FAM131A: variants seen among roughly 807,000 people sequenced by gnomAD.
FAM131A encodes the protein protein FAM131A.
Under a neutral mutation model 39.2 loss-of-function variants are expected in FAM131A, and 24 were observed. The observed-to-expected ratio is 0.61, with a 90% CI of 0.44 to 0.86. The LOEUF is 0.86. FAM131A is among the 40% of genes least tolerant of loss of function. FAM131A has a pLI of 0.00. For synonymous variants in FAM131A, 202 were observed against 206.8 expected, an observed-to-expected ratio of 0.98 and a Z score of 0.20; for missense variants, 373 against 481.2, an observed-to-expected ratio of 0.78 and a Z score of 2.10.
chr3:184,338,928 G>A (rs9845144), intron 2 of FAM131A: 41,806 of 184,498 alleles, frequency 0.23, 5,128 homozygotes, highest in Middle Eastern at 0.3. Context: ...GTGCTCCCCC[G>A]CCTAGGCCTG....
In FAM131A at chr3:184,346,178, A is replaced by G. The variant is rs1727652614; in HGVS notation, c.*1208A>G. On this transcript the variant is annotated 3_prime_UTR_variant, in exon 6 of 6. Transcript: ENST00000383847. This position sits in a 1 kb window ranked among gnomAD's most constrained non-coding sequence, Gnocchi z 6.0. ...AAGGTAAGAACGAGAGCCAACGGGC[A>G]CAAGCATTCTATATATAAGTGGCTC... The G allele has an allele frequency of 5.0e-6, 1 of 198,982 alleles. No individual in the cohort carries two copies. The highest frequency in any genetic ancestry group is 1.0e-5 in the Non-Finnish European group (1 of 95,526). 12.3% of individuals were successfully genotyped at this position (198,982 alleles called of 1,614,324 possible).
In FAM131A at chr3:184,344,910, C is replaced by G. The variant is rs1395856486; in HGVS notation, c.1041C>G (p.Asp347Glu). 1 of 1,606,894 alleles carries G rather than the reference C, an allele frequency of 6.2e-7. No individual in the cohort carries two copies. The highest frequency in any genetic ancestry group is 8.5e-7 in the Non-Finnish European group (1 of 1,179,372). Reference sequence around the variant, plus strand: ...GGGAACGGCAGCGGCAAGCCTCTGACCTGGCCTCTTCTGGGGTGGTGTCCT... The same window carrying G: ...GGGAACGGCAGCGGCAAGCCTCTGAGCTGGCCTCTTCTGGGGTGGTGTCCT... ...GSWERQRQAS[D>E]LASSGVVSLD... Residue 347 changes from aspartate (D) to glutamate (E), a missense_variant, in exon 6 of 6, where the codon GAC becomes GAG. Asp to Glu is a conservative substitution (Grantham distance 45). Around this residue, in one of 2 missense-constraint regions of FAM131A, gnomAD observed 152 missense variants for 133.5 expected, o/e 1.14. Coordinates refer to ENST00000383847, the MANE Select transcript of FAM131A (RefSeq NM_144635.5).
chr3:184,337,373 T>G (rs1577282581), upstream of FAM131A: 2 of 420,002 alleles, frequency 4.8e-6, no homozygotes, highest in South Asian at 4.0e-5. Flanking sequence ...CAGCTAAAGG[T>G]CAGTTGTGAT....
Position 184,341,987 on chromosome 3 carries a change from T to C in FAM131A, c.326-79T>C, listed in dbSNP as rs13434353. 6,352 of 1,572,836 alleles carry C rather than the reference T, an allele frequency of 4.0e-3. 211 individuals are homozygous for C. The African/African-American group carries it at 0.077, about 19-fold the overall frequency. ...AAAGGTTCACATGGATCCTAACTAC[T>C]GCCACCCTTCCACCTCCCTGCACCT... is the stretch of plus-strand genomic sequence containing the variant. On this transcript the variant is annotated intron_variant, in intron 3 of 5. Transcript: ENST00000383847.
Position 184,345,153 on chromosome 3 carries a change from G to A in FAM131A, c.*183G>A. 1.5e-6 allele frequency: 1 copy of A among 666,576 alleles called. No homozygotes were observed. Among genetic ancestry groups the A allele is most frequent in the Non-Finnish European group, 2.5e-6 (1 of 407,152 alleles). 41.3% of individuals were successfully genotyped at this position (666,576 alleles called of 1,614,324 possible). ...TTGGAGAGGAGGCAGGGGCTGGGCT[G>A]GGGGCGCATGTCCTGCCCCCACTCC... On this transcript the variant is annotated 3_prime_UTR_variant, in exon 6 of 6. Coordinates refer to ENST00000383847, the MANE Select transcript of FAM131A (RefSeq NM_144635.5).
chr3:184,343,265 T>G (rs981450907), intron 5 of FAM131A: 5 of 162,998 alleles, frequency 3.1e-5, no homozygotes, highest in Non-Finnish European at 6.8e-5. Context: ...TGAGCTGCAG[T>G]GCACAGCCCA....
intron 5 of FAM131A, 68 bp from the exon 6 acceptor site, chr3:184,344,427 T>C (rs1727526980): frequency 2.8e-6 from 4 of 1,428,492 alleles, no homozygotes; most frequent in Middle Eastern, 2.6e-4. Flanking sequence ...GTGGGGTGAA[T>C]GTGGCTTCCA....
chr3:184,346,100 GT>G lies in FAM131A; in HGVS notation c.*1131del, dbSNP rs1381697010. The G allele has an allele frequency of 1.1e-5, 2 of 188,562 alleles. No individual in the cohort carries two copies. The highest frequency in any genetic ancestry group is 4.7e-5 in the African/African-American group (2 of 42,136). The allele number at this position is 188,562 out of a possible 1,614,324, so 11.7% of individuals were successfully genotyped here. A position where few individuals can be genotyped will look rare whatever the true frequency, so the allele number is the denominator to read the frequency against. On this transcript the variant is annotated 3_prime_UTR_variant, in exon 6 of 6. Coordinates refer to ENST00000383847, the MANE Select transcript of FAM131A (RefSeq NM_144635.5). This position sits in a 1 kb window ranked among gnomAD's most constrained non-coding sequence, Gnocchi z 6.0. ...GTACGTTTTTATGGTTGTGGGAAGG[GT>G]GGGTGGCTTTAGAATTAAGGGCCTT...
chr3:184,341,597 A>C, intron 2 of FAM131A, 127 bp from the exon 3 acceptor site: 1 of 699,824 alleles, frequency 1.4e-6, no homozygotes, highest in Non-Finnish European at 2.5e-6. Flanking sequence ...CCCTGTAGCC[A>C]CTGGGACATA....
chr3:184,336,862 C>T (rs957425784), upstream of FAM131A, among the ~76,000 whole-genome samples: 1 of 152,224 alleles, frequency 6.6e-6, no homozygotes, highest in African/African-American at 2.4e-5. This position sits in a 1 kb window ranked among gnomAD's most constrained non-coding sequence, Gnocchi z 5.5. Context: ...CCGTGGGTGG[C>T]CATGCACACC....
intron 5 of FAM131A, 83 bp from the exon 6 acceptor site, chr3:184,344,412 G>T (rs1307906012): frequency 1.5e-6 from 2 of 1,320,868 alleles, no homozygotes; most frequent in Non-Finnish European, 2.1e-6. Flanking sequence ...TATGCCAGGG[G>T]TGGAGTGGGG....
At chr3:184,339,041 G>A (rs1475196124) in intron 2 of FAM131A, 1 of 155,482 alleles carries the variant, frequency 6.4e-6, no homozygotes, top group Non-Finnish European at 1.4e-5. Flanking sequence ...GGCTGCCCTT[G>A]TGAGGGACGG....
Position 184,338,454 on chromosome 3 carries a change from G to A in FAM131A, c.156G>A (p.Leu52=), listed in dbSNP as rs894179455. ...ELPRGLSLSS[L]GSARTLRGWS... Reference sequence around the variant, plus strand: ...CTCGGGGTCTCTCTCTATCCTCTTTGGGATCTGCTCGAACCCTCCGAGGCT... The same window carrying A: ...CTCGGGGTCTCTCTCTATCCTCTTTAGGATCTGCTCGAACCCTCCGAGGCT... The change falls in exon 2 of 6, where the codon TTG becomes TTA. Residue 52 remains leucine (L), a synonymous_variant. Transcript: ENST00000383847. 1.3e-6 allele frequency: 2 copies of A among 1,528,454 alleles called. No homozygotes were observed. The highest frequency in any genetic ancestry group is 1.7e-6 in the Non-Finnish European group (2 of 1,143,232). 94.7% of individuals were successfully genotyped at this position (1,528,454 alleles called of 1,614,324 possible). A position where few individuals can be genotyped will look rare whatever the true frequency, so the allele number is the denominator to read the frequency against.
upstream of FAM131A, among the ~76,000 whole-genome samples, chr3:184,336,708 C>T (rs1467750474): frequency 6.6e-6 from 1 of 152,232 alleles, no homozygotes; most frequent in Non-Finnish European, 1.5e-5. This position sits in a 1 kb window ranked among gnomAD's most constrained non-coding sequence, Gnocchi z 5.5. Flanking sequence ...ACTGAATCAC[C>T]TCTCACCTAT....
At position 184,337,734 on chromosome 3, in the gene FAM131A, A is replaced by G. The variant is rs775965342; in HGVS notation, c.88+16A>G. 1 of 1,536,590 alleles carries G rather than the reference A, an allele frequency of 6.5e-7. No individual in the cohort carries two copies. Among genetic ancestry groups the G allele is most frequent in the South Asian group, 1.2e-5 (1 of 84,048 alleles). ...AGTCGCAGAGGTGAGACCAGGGATC[A>G]TGGATGTGATCTGGGAGATGATGGG... On this transcript the variant is annotated intron_variant, in intron 1 of 5. Coordinates refer to ENST00000383847, the MANE Select transcript of FAM131A (RefSeq NM_144635.5).
At chr3:184,341,918 C>A in intron 3 of FAM131A, 101 bp downstream of exon 3, 1 of 1,503,184 alleles carries the variant, frequency 6.7e-7, no homozygotes, top group Non-Finnish European at 9.3e-7. Flanking sequence ...GGGGTCTCCC[C>A]TTTCTTCCCT....
In FAM131A at chr3:184,345,746, C is replaced by T; in HGVS notation, c.*776C>T. The T allele has an allele frequency of 1.7e-6, 1 of 595,324 alleles. No individual in the cohort carries two copies. The highest frequency in any genetic ancestry group is 3.0e-6 in the Non-Finnish European group (1 of 337,324). The allele number at this position is 595,324 out of a possible 1,614,324, so 36.9% of individuals were successfully genotyped here. Reference sequence around the variant, plus strand: ...TGGCGCCTCACAGCCAGCCGGGCTGCCCATTCACGCAGAGCTCTCTGAGCG... The same window carrying T: ...TGGCGCCTCACAGCCAGCCGGGCTGTCCATTCACGCAGAGCTCTCTGAGCG... On this transcript the variant is annotated 3_prime_UTR_variant, in exon 6 of 6. Transcript: ENST00000383847.
intron 5 of FAM131A, 197 bp downstream of exon 5, chr3:184,343,057 T>G (rs1727456005): frequency 2.3e-6 from 1 of 431,968 alleles, no homozygotes; most frequent in East Asian, 3.2e-5. Flanking sequence ...CAGAAATGGA[T>G]TCGTTCCTTT....
chr3:184,341,865 C>A, intron 3 of FAM131A, 48 bp downstream of exon 3: 1 of 1,591,332 alleles, frequency 6.3e-7, no homozygotes, highest in South Asian at 1.1e-5. Context: ...TTTCTCCTCC[C>A]GTTTGCACAT....
Sources: allele counts gnomAD v4.1 joint callset (sites outside exome capture counted in the v4.1 genomes callset), GRCh38; gene constraint gnomAD v4.1.1; regional missense constraint gnomAD v4.1.1; non-coding constraint Gnocchi (gnomAD v3.1); transcripts MANE v1.5; gene names NCBI Gene and HGNC (gene_info 2026-07-23, HGNC 2026-07-21).